The following JAG2 variants were observed in gnomAD, a reference collection of about 807,000 sequenced individuals.
JAG2 encodes the protein protein jagged-2.
Under a neutral mutation model 141.7 loss-of-function variants are expected in JAG2, and 46 were observed. That is an observed-to-expected ratio of 0.32 (90% CI 0.26 to 0.42). The LOEUF is 0.42. JAG2 is among the 10% of genes least tolerant of loss of function. The pLI is 1.00. For synonymous variants in JAG2, 862 were observed against 763.5 expected, an observed-to-expected ratio of 1.13 and a Z score of -2.13; for missense variants, 1,500 against 1,817.5, an observed-to-expected ratio of 0.83 and a Z score of 3.18.
At position 105,144,950 on chromosome 14, in the gene JAG2, T is replaced by C; in HGVS notation, c.3064A>G (p.Ser1022Gly). The change falls in exon 24 of 26, where the codon AGT (serine) becomes GGT (glycine). Residue 1022 changes from serine to glycine, a missense_variant. Coordinates refer to ENST00000331782, the MANE Select transcript of JAG2 (RefSeq NM_002226.5). ...LLCDRASSGA[S>G]AVEVAVSFSP... The stretch of plus-strand genomic sequence containing the variant: ...CTCACCACGGCCACCTCCACAGCAC[T>C]GGCCCCCGAGGACGCCCGGTCGCAA... 2 of 1,601,386 alleles carry C rather than the reference T, an allele frequency of 1.2e-6. No individual in the cohort carries two copies. The highest frequency in any genetic ancestry group is 1.7e-6 in the Non-Finnish European group (2 of 1,177,070).
chr14:105,143,281 C>T, intron 25 of JAG2, 111 bp from the exon 26 acceptor site: 8 of 1,372,900 alleles, frequency 5.8e-6, no homozygotes, highest in Non-Finnish European at 8.0e-6. Flanking sequence ...CGGGCCCCAC[C>T]CTCCGGTTGC....
rs587655345 is a variant in JAG2, at chr14:105,168,120, C to G, written c.67-13G>C. On this transcript the variant is annotated splice_polypyrimidine_tract_variant and intron_variant, in intron 1 of 25. Transcript: ENST00000331782. ...TGGGCCGCGCCGCCTAAAAATAAGG[C>G]AGCGGGAGAGCGGAGGGAGGCGCGG... 6 of 1,525,412 alleles carry G rather than the reference C, an allele frequency of 3.9e-6. No homozygotes were observed. In the East Asian group the frequency reaches 1.6e-4, roughly 41 times the overall value. The allele number at this position is 1,525,412 out of a possible 1,614,324, so 94.5% of individuals were successfully genotyped here. A position where few individuals can be genotyped will look rare whatever the true frequency, so the allele number is the denominator to read the frequency against.
At chr14:105,155,692 GCCCGAGGCCCTC>G (rs1888559513) in intron 4 of JAG2, 34 bp downstream of exon 4, 9 of 1,612,330 alleles carry the variant, frequency 5.6e-6, no homozygotes, top group Non-Finnish European at 5.9e-6. Flanking sequence ...CCGGGGCCCT[GCCCGAGGCCCTC>G]CCTGCCCTCC....
chr14:105,148,307 A>C lies in JAG2; in HGVS notation c.2134+19T>G, dbSNP rs1432622307. 1.4e-5 allele frequency: 22 copies of C among 1,603,122 alleles called. No individual in the cohort carries two copies. The Admixed American group carries it at 3.7e-4, about 27-fold the overall frequency. Reference sequence around the variant, plus strand: ...GTCCTGGGGGCAGCCCCAGGCGGCCAGGGCCTGCGGACACTCACGTGAGTG... The same window carrying C: ...GTCCTGGGGGCAGCCCCAGGCGGCCCGGGCCTGCGGACACTCACGTGAGTG... On this transcript the variant is annotated intron_variant, in intron 16 of 25. Transcript: ENST00000331782.
In JAG2 at chr14:105,145,778, T is replaced by C; in HGVS notation, c.2905A>G (p.Asn969Asp). Residue 969 changes from asparagine (N) to aspartate (D), a missense_variant, in exon 23 of 26, where the codon AAC becomes GAC. Asn to Asp is a conservative substitution (Grantham distance 23, BLOSUM62 1). This residue lies in a region of JAG2 where 425 missense variants were observed against 441.0 expected (regional missense o/e 0.96). Coordinates refer to ENST00000331782, the MANE Select transcript of JAG2 (RefSeq NM_002226.5). ...CLPRSGHLDN[N>D]CARLTLHFNR... ...AAATGCAAGGTGAGGCGGGCACAGTTATTGTCCAGGTGGCCGGAGCGTGGC... is the reference window on the plus strand; with the variant it reads ...AAATGCAAGGTGAGGCGGGCACAGTCATTGTCCAGGTGGCCGGAGCGTGGC... The C allele has an allele frequency of 6.3e-7, 1 of 1,584,422 alleles. No individual in the cohort carries two copies. Among genetic ancestry groups the C allele is most frequent in the Non-Finnish European group, 8.6e-7 (1 of 1,165,738 alleles).
rs879794858 is a variant in JAG2, at chr14:105,154,574, A to G, written c.788+988T>C. Among the ~76,000 whole-genome samples, 4 of 152,000 alleles carry G rather than the reference A, an allele frequency of 2.6e-5. No homozygotes were observed. Among genetic ancestry groups the G allele is most frequent in the Non-Finnish European group, 5.9e-5 (4 of 67,974 alleles). ...TCTGGACTTGGCTGTAAGACCCCGG[A>G]CACTCCCTTGTGGAGGCCCTTGCTG... On this transcript the variant is annotated intron_variant, in intron 5 of 25. Transcript: ENST00000331782. The surrounding 1 kb of genome is among the most constrained non-coding windows in gnomAD (Gnocchi z 4.4).
rs900053325 is a variant in JAG2, at chr14:105,151,509, C to T, written c.1154-113G>A. The T allele has an allele frequency of 3.0e-6, 4 of 1,340,368 alleles. No individual in the cohort carries two copies. The Admixed American group carries it at 5.9e-5, about 20-fold the overall frequency. The allele number at this position is 1,340,368 out of a possible 1,614,324, so 83.0% of individuals were successfully genotyped here. ...CTTCCTGCCATTTGTCCTCGCCAAG[C>T]CAGCCGCAGCCACACGTGTGGACTT... On this transcript the variant is annotated intron_variant, in intron 8 of 25. Transcript: ENST00000331782.
chr14:105,153,900 G>T (rs1203663526), intron 5 of JAG2, among the ~76,000 whole-genome samples: 1 of 151,792 alleles, frequency 6.6e-6, no homozygotes, highest in Non-Finnish European at 1.5e-5. Context: ...GCGAGGGTGA[G>T]TGGGGCCGAC....
chr14:105,142,851 C>G lies in JAG2; in HGVS notation c.3561G>C (p.Glu1187Asp). 6.2e-7 allele frequency: 1 copy of G among 1,608,916 alleles called. No individual in the cohort carries two copies. The highest frequency in any genetic ancestry group is 8.5e-7 in the Non-Finnish European group (1 of 1,178,150). Reference sequence around the variant, plus strand: ...ACTTCTCCGCCTCCAGGGAGTCCTCCTCACCGCGGCCCAGATCCTCGTCCT... The same window carrying G: ...ACTTCTCCGCCTCCAGGGAGTCCTCGTCACCGCGGCCCAGATCCTCGTCCT... ...DEEDEDLGRG[E>D]EDSLEAEKFL... Residue 1187 changes from glutamate (E) to aspartate (D), a missense_variant, in exon 26 of 26, where the codon GAG becomes GAC. This residue lies in a region of JAG2 where 425 missense variants were observed against 441.0 expected (regional missense o/e 0.96). Coordinates refer to ENST00000331782, the MANE Select transcript of JAG2 (RefSeq NM_002226.5).
chr14:105,149,709 C>G (rs977726241), intron 12 of JAG2, among the ~76,000 whole-genome samples: 4 of 149,990 alleles, frequency 2.7e-5, no homozygotes, highest in African/African-American at 7.4e-5. Context: ...TGAGGTCAGA[C>G]CCCTGCCCTG....
intron 17 of JAG2, 69 bp from the exon 18 acceptor site, chr14:105,147,957 C>T (rs1888280637): frequency 2.3e-6 from 3 of 1,309,586 alleles, no homozygotes; most frequent in African/African-American, 1.5e-5. Context: ...CCATACCGCG[C>T]CCCCAACCCA....
chr14:105,151,241 A>G (rs752489501), intron 9 of JAG2, 42 bp downstream of exon 9: 8 of 1,037,668 alleles, frequency 7.7e-6, no homozygotes, highest in Non-Finnish European at 7.1e-6. Context: ...CGCAGCCCGC[A>G]TGCGCGGCCC....
At chr14:105,147,121 G>T in intron 20 of JAG2, 1 of 631,552 alleles carries the variant, frequency 1.6e-6, no homozygotes, top group Non-Finnish European at 2.9e-6. Context: ...CCCCAGGCTG[G>T]GGCTCCCCAC....
Position 105,152,255 on chromosome 14 carries a change from C to G in JAG2, c.825G>C (p.Glu275Asp). The change falls in exon 6 of 26, where the codon GAG becomes GAC. Residue 275 changes from glutamate to aspartate, a missense_variant. Transcript: ENST00000331782. ...GCACGCAGCCGGGGTAGGGGACACA[C>G]TCATCGCAGAACCTCCCTTGCCAGC... ...SYGWQGRFCDECVPYPGCVHG... is the reference protein window; with the variant it reads ...SYGWQGRFCDDCVPYPGCVHG... 6.2e-7 allele frequency: 1 copy of G among 1,613,356 alleles called. No individual in the cohort carries two copies. The highest frequency in any genetic ancestry group is 1.3e-5 in the African/African-American group (1 of 75,054).
At chr14:105,165,210 C>G (rs998476143) in intron 2 of JAG2, among the ~76,000 whole-genome samples, 1 of 152,176 alleles carries the variant, frequency 6.6e-6, no homozygotes, top group Non-Finnish European at 1.5e-5. Flanking sequence ...CCCTGCTCCT[C>G]CCTCAGCCAG....
In JAG2 at chr14:105,167,753, G is replaced by A. The variant is rs780222647; in HGVS notation, c.417+4C>T. The A allele has an allele frequency of 1.4e-6, 2 of 1,455,816 alleles. No individual in the cohort carries two copies. The highest frequency in any genetic ancestry group is 1.3e-5 in the South Asian group (1 of 76,042). 90.2% of individuals were successfully genotyped at this position (1,455,816 alleles called of 1,614,324 possible). ...CTGGAGCACGAGGGATGGAGCGCACGTACCGGCCAGGCGAACTGGAAGGGG... is the reference window on the plus strand; with the variant it reads ...CTGGAGCACGAGGGATGGAGCGCACATACCGGCCAGGCGAACTGGAAGGGG... On this transcript the variant is annotated splice_donor_region_variant and intron_variant, in intron 2 of 25. Coordinates refer to ENST00000331782, the MANE Select transcript of JAG2 (RefSeq NM_002226.5). This position sits in a 1 kb window ranked among gnomAD's most constrained non-coding sequence, Gnocchi z 4.8.
At chr14:105,143,411 C>G in intron 25 of JAG2, 71 bp downstream of exon 25, 1 of 1,504,230 alleles carries the variant, frequency 6.6e-7, no homozygotes, top group Non-Finnish European at 8.9e-7. Context: ...TCGGCAGGAT[C>G]GGCCGGCTCT....
Position 105,150,914 on chromosome 14 carries a change from G to A in JAG2, c.1382-3C>T. The stretch of plus-strand genomic sequence containing the variant: ...CTGCCCGCGACAGTCGTTGACGTCT[G>A]GGGGCAGAGGAGCAGGGTCAGAGGC... On this transcript the variant is annotated splice_polypyrimidine_tract_variant and splice_region_variant and intron_variant, in intron 10 of 25. Transcript: ENST00000331782. 3 of 1,594,618 alleles carry A rather than the reference G, an allele frequency of 1.9e-6. No individual in the cohort carries two copies. The highest frequency in any genetic ancestry group is 2.6e-6 in the Non-Finnish European group (3 of 1,171,146).
intron 7 of JAG2, 39 bp from the exon 8 acceptor site, chr14:105,151,778 G>A (rs936751823): frequency 2.5e-6 from 4 of 1,598,832 alleles, no homozygotes; most frequent in Non-Finnish European, 3.4e-6. Context: ...TGGCAGCCAG[G>A]CCCCCAGCTT....
Sources: gnomAD v4.1 joint callset for allele counts (sites outside exome capture counted in the v4.1 genomes callset) on GRCh38, gnomAD v4.1.1 for gene constraint, gnomAD v4.1.1 regional missense constraint, Gnocchi (gnomAD v3.1) non-coding constraint, MANE v1.5 for transcripts, NCBI Gene and HGNC (gene_info 2026-07-23, HGNC 2026-07-21) for gene names.